The following SNRNP40 variants were observed in gnomAD, a reference collection of about 807,000 sequenced individuals.
The protein encoded by SNRNP40 is small nuclear ribonucleoprotein U5 subunit 40.
Under a neutral mutation model 45.8 loss-of-function variants are expected in SNRNP40, and 21 were observed. The ratio of observed to expected loss-of-function variants is 0.46; its 90% CI spans 0.32 to 0.66. The LOEUF (loss-of-function observed/expected upper bound fraction) is 0.66. Ranked by LOEUF, SNRNP40 falls within the 30% of genes least tolerant of loss-of-function variation. The pLI, the probability that SNRNP40 is intolerant of heterozygous loss-of-function variation, is 0.03. For missense variants in SNRNP40, 344 were observed against 439.1 expected (o/e 0.78, Z 1.94); for synonymous variants, 142 against 163.8 (o/e 0.87, Z 1.01).
At chr1:31,280,444 G>A (rs765522420) in intron 5 of SNRNP40, among the ~76,000 whole-genome samples, 10 of 151,928 alleles carry the variant, frequency 6.6e-5, no homozygotes, top group Non-Finnish European at 1.0e-4. Context: ...TTTCAGGTGT[G>A]AGCCACCACA....
rs1415557207 is a variant in SNRNP40, at chr1:31,260,012, T to A, written c.*60A>T. 1 of 1,221,450 alleles carries A rather than the reference T, an allele frequency of 8.2e-7. No homozygotes were observed. The highest frequency in any genetic ancestry group is 1.2e-6 in the Non-Finnish European group (1 of 822,016). 75.7% of individuals were successfully genotyped at this position (1,221,450 alleles called of 1,614,324 possible). ...TAGCCTGGACATCCAACATTTGGCA[T>A]CACTTATGCAGTCTGAGGTCTCAAA... On this transcript the variant is annotated 3_prime_UTR_variant, in exon 10 of 10. Coordinates refer to ENST00000263694, the MANE Select transcript of SNRNP40 (RefSeq NM_004814.3).
intron 5 of SNRNP40, among the ~76,000 whole-genome samples, chr1:31,272,963 T>C (rs937408555): frequency 6.6e-6 from 1 of 152,228 alleles, no homozygotes; most frequent in African/African-American, 2.4e-5. Context: ...AATAAAACTT[T>C]TGCTGTTCCT....
At chr1:31,273,475 C>A (rs1645952954) in intron 5 of SNRNP40, among the ~76,000 whole-genome samples, 1 of 152,020 alleles carries the variant, frequency 6.6e-6, no homozygotes, top group South Asian at 2.1e-4. Context: ...CCCGTCTCTA[C>A]TAAAAATACA....
At chr1:31,292,261 C>A (rs1646112811) in intron 2 of SNRNP40, among the ~76,000 whole-genome samples, 1 of 152,104 alleles carries the variant, frequency 6.6e-6, no homozygotes, top group African/African-American at 2.4e-5. Context: ...TCTTGGGAGA[C>A]TGAGGCAGGA....
chr1:31,276,055 T>C (rs948087233), intron 5 of SNRNP40, among the ~76,000 whole-genome samples: 8 of 152,212 alleles, frequency 5.3e-5, no homozygotes, highest in African/African-American at 1.7e-4. Context: ...TATTTAATAC[T>C]GTAATAATAA....
rs753259369 is a variant in SNRNP40, at chr1:31,259,966, G to A, written c.*106C>T. ...CCGCCTCCTGTTTCTTGCTAGCAAT[G>A]GTCATCTGAAGGGAGGGTGCTAGCC... On this transcript the variant is annotated 3_prime_UTR_variant, in exon 10 of 10. Transcript: ENST00000263694. 13 of 837,532 alleles carry A rather than the reference G, an allele frequency of 1.6e-5. No homozygotes were observed. The highest frequency in any genetic ancestry group is 2.3e-5 in the Non-Finnish European group (11 of 480,244). The allele number at this position is 837,532 out of a possible 1,614,324, so 51.9% of individuals were successfully genotyped here.
chr1:31,268,912 C>G (rs1645918145), intron 7 of SNRNP40, among the ~76,000 whole-genome samples: 1 of 152,160 alleles, frequency 6.6e-6, no homozygotes, highest in Admixed American at 6.5e-5. Flanking sequence ...CTTGTTGAGG[C>G]TGGTGTCAAG....
At chr1:31,261,817 A>G (rs867943267) in intron 8 of SNRNP40, 185 bp from the exon 9 acceptor site, 2 of 461,762 alleles carry the variant, frequency 4.3e-6, no homozygotes, top group Middle Eastern at 8.9e-4. Context: ...CTCTTGAGCA[A>G]TGGGGTGGAG....
intron 5 of SNRNP40, among the ~76,000 whole-genome samples, chr1:31,279,366 A>C (rs1196948469): frequency 6.6e-6 from 1 of 151,904 alleles, no homozygotes; most frequent in East Asian, 1.9e-4. Context: ...AATGATGTAA[A>C]GCTCTGAGAA....
chr1:31,261,023 G>A (rs1439145429), intron 9 of SNRNP40: 2 of 1,283,388 alleles, frequency 1.6e-6, no homozygotes, highest in Non-Finnish European at 2.0e-6. Context: ...GAGCAATGGT[G>A]AGACTGACAT....
At chr1:31,265,275 C>T (rs947957263) in intron 8 of SNRNP40, among the ~76,000 whole-genome samples, 9 of 152,058 alleles carry the variant, frequency 5.9e-5, no homozygotes, top group African/African-American at 2.2e-4. Context: ...CAGGTGCACA[C>T]TACTATGCCT....
chr1:31,263,875 G>T (rs557643846), intron 8 of SNRNP40, among the ~76,000 whole-genome samples: 1 of 127,160 alleles, frequency 7.9e-6, no homozygotes. Flanking sequence ...ATATACTCTC[G>T]TATTTTACTT....
chr1:31,272,218 A>G (rs1645943740), intron 5 of SNRNP40, among the ~76,000 whole-genome samples: 1 of 152,212 alleles, frequency 6.6e-6, no homozygotes, highest in African/African-American at 2.4e-5. Context: ...ACAGATGCTT[A>G]AAATTTTTCT....
intron 4 of SNRNP40, among the ~76,000 whole-genome samples, chr1:31,287,681 TTAGGTA>T (rs1646069438): frequency 6.6e-6 from 1 of 152,060 alleles, no homozygotes; most frequent in Non-Finnish European, 1.5e-5. Context: ...CCCCAAGTGA[TTAGGTA>T]TAAGAAAACC....
intron 3 of SNRNP40, among the ~76,000 whole-genome samples, chr1:31,290,917 T>C (rs1646101717): frequency 6.6e-6 from 1 of 151,654 alleles, no homozygotes; most frequent in Non-Finnish European, 1.5e-5. Context: ...TAAAAAAGAT[T>C]GTACACATAG....
At chr1:31,287,920 C>G (rs956108176) in intron 4 of SNRNP40, among the ~76,000 whole-genome samples, 7 of 152,150 alleles carry the variant, frequency 4.6e-5, no homozygotes, top group African/African-American at 1.2e-4. Flanking sequence ...CTGCTTGAAC[C>G]CAGGAGGTAG....
chr1:31,293,034 C>A, intron 2 of SNRNP40, 185 bp downstream of exon 2: 1 of 609,776 alleles, frequency 1.6e-6, no homozygotes, highest in Non-Finnish European at 2.9e-6. Context: ...CTGTATTTAC[C>A]CCATGGACTC....
chr1:31,293,813 C>A (rs547286654), intron 1 of SNRNP40, among the ~76,000 whole-genome samples: 1 of 152,262 alleles, frequency 6.6e-6, no homozygotes, highest in South Asian at 2.1e-4. Flanking sequence ...AAATCCTGGC[C>A]TCCCTCCTTG....
In SNRNP40 at chr1:31,267,604, C is replaced by T. The variant is rs1365356266; in HGVS notation, c.920+267G>A. Among the ~76,000 whole-genome samples the T allele has an allele frequency of 3.3e-5, 5 of 152,134 alleles. No homozygotes were observed. The East Asian group carries it at 5.8e-4, about 18-fold the overall frequency. On this transcript the variant is annotated intron_variant, in intron 8 of 9. Coordinates refer to ENST00000263694, the MANE Select transcript of SNRNP40 (RefSeq NM_004814.3). The stretch of plus-strand genomic sequence containing the variant: ...CTGGAGCAGTGCAACGGCGTGATCT[C>T]GGCTCACCGCAACCTCTGCCTCCCA...
Sources: allele counts gnomAD v4.1 joint callset (sites outside exome capture counted in the v4.1 genomes callset), GRCh38; gene constraint gnomAD v4.1.1; transcripts MANE v1.5; gene names NCBI Gene and HGNC (gene_info 2026-07-23, HGNC 2026-07-21).